Variants in PRKD1 observed in about 807,000 individuals in gnomAD.
PRKD1 encodes serine/threonine-protein kinase D1.
Under a neutral mutation model 95.9 loss-of-function variants are expected in PRKD1, and 63 were observed. The ratio of observed to expected loss-of-function variants is 0.66; its 90% CI spans 0.54 to 0.81. The LOEUF is 0.81. Among genes scored for constraint, PRKD1 ranks in the 30% least tolerant of loss-of-function variants. The pLI is 0.00. For missense variants in PRKD1, 1,048 were observed against 1,165.3 expected (o/e 0.90, Z 1.47); for synonymous variants, 425 against 423.1 (o/e 1.00, Z -0.05).
intron 13 of PRKD1, among the ~76,000 whole-genome samples, chr14:29,621,525 T>C (rs528450131): frequency 6.6e-6 from 1 of 152,082 alleles, no homozygotes; most frequent in East Asian, 1.9e-4. Flanking sequence ...TTAAAATAAT[T>C]GGCAGTTTTA....
chr14:29,865,965 C>G (rs1594587528), intron 1 of PRKD1, among the ~76,000 whole-genome samples: 1 of 152,138 alleles, frequency 6.6e-6, no homozygotes, highest in East Asian at 1.9e-4. Context: ...ATTTTTTAAC[C>G]TAGAAAGATT....
chr14:29,694,838 T>G (rs903560137), intron 2 of PRKD1, among the ~76,000 whole-genome samples: 14 of 152,066 alleles, frequency 9.2e-5, no homozygotes, highest in Admixed American at 6.6e-4. Flanking sequence ...GTAAGGGGAA[T>G]AGCATGCACA....
At chr14:29,779,288 G>GA (rs1888924248) in intron 1 of PRKD1, among the ~76,000 whole-genome samples, 1 of 152,118 alleles carries the variant, frequency 6.6e-6, no homozygotes, top group Non-Finnish European at 1.5e-5. Context: ...TTCTGGCCAG[G>GA]CAATCAGGCA....
chr14:29,631,114 A>C, intron 9 of PRKD1, 93 bp from the exon 10 acceptor site: 1 of 1,158,926 alleles, frequency 8.6e-7, no homozygotes, highest in Non-Finnish European at 1.2e-6. Context: ...AAATGACATC[A>C]CAAATAGCCA....
intron 2 of PRKD1, among the ~76,000 whole-genome samples, chr14:29,713,610 T>C (rs571804106): frequency 3.9e-5 from 6 of 152,304 alleles, no homozygotes; most frequent in Middle Eastern, 3.4e-3. Context: ...ACTTACACCA[T>C]GTATTTTGGG....
chr14:29,607,669 T>C (rs556969489), intron 13 of PRKD1, among the ~76,000 whole-genome samples: 1 of 152,318 alleles, frequency 6.6e-6, no homozygotes, highest in Non-Finnish European at 1.5e-5. Context: ...TTGTGACTAC[T>C]TCATCTCTTC....
intron 4 of PRKD1, among the ~76,000 whole-genome samples, chr14:29,654,936 C>T (rs1881750372): frequency 6.6e-6 from 1 of 152,174 alleles, no homozygotes; most frequent in Non-Finnish European, 1.5e-5. Context: ...TAGACGTAAA[C>T]AAAGTTCAAG....
chr14:29,881,361 C>A (rs1035706230), intron 1 of PRKD1, among the ~76,000 whole-genome samples: 9 of 152,114 alleles, frequency 5.9e-5, no homozygotes, highest in African/African-American at 2.2e-4. Context: ...AGCCTTTCAC[C>A]TCCCACCATG....
At chr14:29,850,453 A>AACAC (rs57312847) in intron 1 of PRKD1, among the ~76,000 whole-genome samples, 149 of 147,912 alleles carry the variant, frequency 1.0e-3, no homozygotes, top group African/African-American at 2.6e-3. Context: ...CCCCATTCAA[A>AACAC]ACACACACAC....
intron 2 of PRKD1, among the ~76,000 whole-genome samples, chr14:29,679,042 T>C (rs1028640232): frequency 2.0e-5 from 3 of 152,232 alleles, no homozygotes; most frequent in Non-Finnish European, 4.4e-5. Flanking sequence ...TCTTTTTAAG[T>C]ATTTGTCCTA....
At chr14:29,625,985 C>A (rs543539709) in intron 12 of PRKD1, among the ~76,000 whole-genome samples, 2 of 151,932 alleles carry the variant, frequency 1.3e-5, no homozygotes, top group South Asian at 4.2e-4. Flanking sequence ...TACCAAAGAG[C>A]TTGACAATAA....
At chr14:29,645,967 T>TC (rs1166314270) in intron 4 of PRKD1, among the ~76,000 whole-genome samples, 1 of 152,262 alleles carries the variant, frequency 6.6e-6, no homozygotes, top group East Asian at 1.9e-4. Flanking sequence ...ATTTTTACTG[T>TC]CTCCCTTCAA....
At chr14:29,723,458 G>C (rs1885994785) in intron 2 of PRKD1, among the ~76,000 whole-genome samples, 1 of 151,992 alleles carries the variant, frequency 6.6e-6, no homozygotes, top group Non-Finnish European at 1.5e-5. Flanking sequence ...ATAGACTCAG[G>C]GCCTAAAAAG....
intron 1 of PRKD1, among the ~76,000 whole-genome samples, chr14:29,793,963 A>G (rs907826211): frequency 6.6e-6 from 1 of 152,032 alleles, no homozygotes; most frequent in African/African-American, 2.4e-5. Flanking sequence ...GTTTCCTCTA[A>G]CACAAGCAGA....
chr14:29,730,912 A>G (rs565756804), intron 1 of PRKD1, among the ~76,000 whole-genome samples: 1 of 152,236 alleles, frequency 6.6e-6, no homozygotes, highest in South Asian at 2.1e-4. Context: ...TAGGAGGAAT[A>G]AGTTCAAGAT....
intron 13 of PRKD1, among the ~76,000 whole-genome samples, chr14:29,606,202 G>T (rs1247168400): frequency 6.6e-6 from 1 of 151,998 alleles, no homozygotes; most frequent in Non-Finnish European, 1.5e-5. Flanking sequence ...TCGTGGAAAC[G>T]GGGTTTCACC....
chr14:29,663,766 G>T lies in PRKD1; in HGVS notation c.629C>A (p.Thr210Asn). 1 of 1,614,062 alleles carries T rather than the reference G, an allele frequency of 6.2e-7. No individual in the cohort carries two copies. The highest frequency in any genetic ancestry group is 8.5e-7 in the Non-Finnish European group (1 of 1,179,978). The change falls in exon 4 of 18, where the codon ACT becomes AAT. Residue 210 changes from threonine to asparagine, a missense_variant. Physicochemically the swap from Thr to Asn is moderately conservative, Grantham distance 65. Coordinates refer to ENST00000331968, the MANE Select transcript of PRKD1 (RefSeq NM_002742.3). ...RRRRLSNVSL[T>N]GVSTIRTSSA... Reference sequence around the variant, plus strand: ...TGATGTGCGGATGGTGCTGACCCCAGTGAGGGAAACGTTTGAGAGCCTTCT... The same window carrying T: ...TGATGTGCGGATGGTGCTGACCCCATTGAGGGAAACGTTTGAGAGCCTTCT...
chr14:29,834,885 T>C (rs957673792), intron 1 of PRKD1, among the ~76,000 whole-genome samples: 1 of 152,196 alleles, frequency 6.6e-6, no homozygotes, highest in Non-Finnish European at 1.5e-5. Context: ...GTGGAGCTAA[T>C]ATTCTCATTT....
chr14:29,633,433 G>A (rs977280841), intron 8 of PRKD1, among the ~76,000 whole-genome samples: 4 of 152,172 alleles, frequency 2.6e-5, no homozygotes, highest in Non-Finnish European at 4.4e-5. Context: ...TAGAAGTAAA[G>A]AATATTTTGT....
Sources: allele counts gnomAD v4.1 joint callset (sites outside exome capture counted in the v4.1 genomes callset), GRCh38; gene constraint gnomAD v4.1.1; transcripts MANE v1.5; gene names NCBI Gene and HGNC (gene_info 2026-07-23, HGNC 2026-07-21).